The following TRMT9B variants were observed in gnomAD, a reference collection of about 807,000 sequenced individuals.
TRMT9B encodes the protein tRNA methyltransferase 9B (putative).
A neutral mutation model predicts 11.5 loss-of-function variants in TRMT9B; 16 were observed. The observed-to-expected ratio is 1.39, with a 90% CI of 0.94 to 2.11. TRMT9B has a LOEUF of 2.11. Among genes scored for constraint, TRMT9B ranks in the 30% most tolerant of loss-of-function variants. The pLI is 0.00. For missense variants in TRMT9B, 941 were observed against 553.8 expected (o/e 1.70, Z -7.02); for synonymous variants, 274 against 192.4 (o/e 1.42, Z -3.51).
chr8:12,985,209 C>G (rs911025063), intron 1 of TRMT9B, among the ~76,000 whole-genome samples: 1 of 152,186 alleles, frequency 6.6e-6, no homozygotes, highest in Non-Finnish European at 1.5e-5. Context: ...TCGGGGGTAA[C>G]TTTCTAGTCC....
At chr8:12,982,675 T>C (rs191179783) in intron 1 of TRMT9B, among the ~76,000 whole-genome samples, 399 of 151,068 alleles carry the variant, frequency 2.6e-3, no homozygotes, top group Non-Finnish European at 4.2e-3. Context: ...AAAAAAAAAA[T>C]CATAATCAGA....
At chr8:12,966,784 G>A (rs906504067) in intron 1 of TRMT9B, among the ~76,000 whole-genome samples, 3 of 152,194 alleles carry the variant, frequency 2.0e-5, no homozygotes, top group Admixed American at 2.0e-4. Flanking sequence ...GAACCATCCT[G>A]TTCAAGATGG....
intron 2 of TRMT9B, among the ~76,000 whole-genome samples, chr8:13,003,782 A>C (rs1024635911): frequency 6.6e-6 from 1 of 150,382 alleles, no homozygotes; most frequent in Non-Finnish European, 1.5e-5. Context: ...CCACTCCGCC[A>C]CCCTCCCCAC....
chr8:12,947,899 T>C (rs1800342376), intron 1 of TRMT9B, among the ~76,000 whole-genome samples: 1 of 152,154 alleles, frequency 6.6e-6, no homozygotes, highest in Non-Finnish European at 1.5e-5. Flanking sequence ...GGGGCTGCCT[T>C]GCTCAGAAAC....
At chr8:12,948,840 G>C (rs905972305) in intron 1 of TRMT9B, among the ~76,000 whole-genome samples, 1 of 152,052 alleles carries the variant, frequency 6.6e-6, no homozygotes, top group Non-Finnish European at 1.5e-5. Flanking sequence ...GGCGCCTGTA[G>C]TCCCCGCTAC....
intron 4 of TRMT9B, among the ~76,000 whole-genome samples, chr8:13,015,648 C>G (rs952496992): frequency 6.6e-6 from 1 of 152,148 alleles, no homozygotes; most frequent in Non-Finnish European, 1.5e-5. Flanking sequence ...ACTACCACGC[C>G]CAGGCTAAAT....
intron 2 of TRMT9B, among the ~76,000 whole-genome samples, chr8:12,992,176 C>G (rs566357841): frequency 6.6e-6 from 1 of 152,230 alleles, no homozygotes; most frequent in East Asian, 1.9e-4. Flanking sequence ...GCTCTGTGTT[C>G]TGCACTATCC....
intron 1 of TRMT9B, among the ~76,000 whole-genome samples, chr8:12,974,453 A>G (rs576149095): frequency 1.3e-5 from 2 of 152,158 alleles, no homozygotes; most frequent in African/African-American, 4.8e-5. Context: ...TTTACTTACT[A>G]TTGAAATTTA....
chr8:13,000,971 A>T (rs552365195), intron 2 of TRMT9B, among the ~76,000 whole-genome samples: 1 of 152,144 alleles, frequency 6.6e-6, no homozygotes, highest in Non-Finnish European at 1.5e-5. Context: ...GAGATGAGTG[A>T]CCCTGAGCCC....
intron 1 of TRMT9B, chr8:12,952,647 A>G (rs1253460591): frequency 3.1e-6 from 3 of 982,026 alleles, no homozygotes; most frequent in Non-Finnish European, 3.6e-6. Context: ...TTGAAGCCAG[A>G]AAGTTTTCAA....
At position 13,027,323 on chromosome 8, in the gene TRMT9B, G is replaced by A. The variant is rs551331404; in HGVS notation, c.*5279G>A. The A allele has an allele frequency of 6.0e-6, 1 of 167,042 alleles. No homozygotes were observed. The highest frequency in any genetic ancestry group is 6.5e-5 in the Admixed American group (1 of 15,286). 10.3% of individuals were successfully genotyped at this position (167,042 alleles called of 1,614,324 possible). ...ACCAAGTTATATTGTTTAGTTTGAG[G>A]AAAACAACAAACAACCCTCCCTTAG... On this transcript the variant is annotated 3_prime_UTR_variant, in exon 5 of 5. Transcript: ENST00000524591.
chr8:12,983,265 T>C (rs1805712299), intron 1 of TRMT9B, among the ~76,000 whole-genome samples: 1 of 152,046 alleles, frequency 6.6e-6, no homozygotes, highest in African/African-American at 2.4e-5. Flanking sequence ...TAGAGCAGTG[T>C]GCAGCCATAA....
At chr8:12,990,776 C>A in intron 1 of TRMT9B, 58 bp from the exon 2 acceptor site, 1 of 1,138,512 alleles carries the variant, frequency 8.8e-7, no homozygotes, top group African/African-American at 1.6e-5. Context: ...TGGGCTGTAG[C>A]TGGCTCCATA....
chr8:13,020,818 C>G (rs1813683803), intron 4 of TRMT9B, among the ~76,000 whole-genome samples, 190 bp from the exon 5 acceptor site: 1 of 152,112 alleles, frequency 6.6e-6, no homozygotes, highest in African/African-American at 2.4e-5. Flanking sequence ...GTACAGGAGC[C>G]AAAGCTAAAA....
At position 12,999,671 on chromosome 8, in the gene TRMT9B, C is replaced by A. The variant is rs560974426; in HGVS notation, c.-1-6531C>A. Reference sequence around the variant, plus strand: ...GGCTAACCAAAGATGTGTATGAAATCTTGTTTCTTATTTAGAAGTTCAGAA... The same window carrying A: ...GGCTAACCAAAGATGTGTATGAAATATTGTTTCTTATTTAGAAGTTCAGAA... On this transcript the variant is annotated intron_variant, in intron 2 of 4. Transcript: ENST00000524591. 3.9e-5 allele frequency among the ~76,000 whole-genome samples: 6 copies of A among 152,138 alleles called. No homozygotes were observed. The South Asian group carries it at 1.2e-3, about 32-fold the overall frequency.
At chr8:12,958,380 A>G (rs530661617) in intron 1 of TRMT9B, 9 of 152,330 alleles carry the variant, frequency 5.9e-5, no homozygotes, top group African/African-American at 1.7e-4. Context: ...GAAATTAAAA[A>G]TGGAAGGAAA....
At chr8:12,949,002 T>G (rs1800406596) in intron 1 of TRMT9B, among the ~76,000 whole-genome samples, 1 of 151,938 alleles carries the variant, frequency 6.6e-6, no homozygotes, top group Admixed American at 6.6e-5. Context: ...GTGTTCAACG[T>G]TTCATAGTTG....
chr8:12,975,944 T>A (rs1804378694), intron 1 of TRMT9B, among the ~76,000 whole-genome samples: 1 of 152,126 alleles, frequency 6.6e-6, no homozygotes, highest in South Asian at 2.1e-4. Context: ...AACAAATGAA[T>A]ACGATAATAT....
intron 3 of TRMT9B, among the ~76,000 whole-genome samples, chr8:13,008,230 C>G (rs1167315820): frequency 6.6e-6 from 1 of 152,300 alleles, no homozygotes; most frequent in East Asian, 1.9e-4. Context: ...CAAAGCTTAT[C>G]TAACACATAT....
Sources: gnomAD v4.1 joint callset for allele counts (sites outside exome capture counted in the v4.1 genomes callset) on GRCh38, gnomAD v4.1.1 for gene constraint, MANE v1.5 for transcripts, NCBI Gene and HGNC (gene_info 2026-07-23, HGNC 2026-07-21) for gene names.